Variants in GALK2 observed in about 807,000 individuals in gnomAD.
The protein encoded by GALK2 is N-acetylgalactosamine kinase.
Under a neutral mutation model 52.4 loss-of-function variants are expected in GALK2, and 36 were observed. That is an observed-to-expected ratio of 0.69 (90% confidence interval 0.53 to 0.91). GALK2 has a LOEUF of 0.91. Among genes scored for constraint, GALK2 ranks in the 40% least tolerant of loss-of-function variants. The pLI is 0.00. For synonymous variants in GALK2, 176 were observed against 199.1 expected, an observed-to-expected ratio of 0.88 and a Z score of 0.98; for missense variants, 579 against 559.1, an observed-to-expected ratio of 1.04 and a Z score of -0.36.
chr15:49,348,457 G>T (rs2041834400), intron 3 of GALK2, among the ~76,000 whole-genome samples: 1 of 152,058 alleles, frequency 6.6e-6, no homozygotes, highest in Non-Finnish European at 1.5e-5. Flanking sequence ...CACATGTGAG[G>T]CAACCACCAA....
downstream of GALK2, among the ~76,000 whole-genome samples, chr15:49,333,769 G>T (rs761104294): frequency 6.6e-6 from 1 of 152,140 alleles, no homozygotes; most frequent in Non-Finnish European, 1.5e-5. Context: ...ACGTGCTTAC[G>T]GGTGTGTTGG....
At chr15:49,168,447 G>C (rs114009348), upstream of GALK2, among the ~76,000 whole-genome samples, 9 of 151,988 alleles carry the variant, frequency 5.9e-5, no homozygotes, top group Non-Finnish European at 1.2e-4. Context: ...GGCTGGGCAC[G>C]GTGGCTCACA....
At chr15:49,191,881 T>C (rs1457702356) in intron 1 of GALK2, among the ~76,000 whole-genome samples, 3 of 152,186 alleles carry the variant, frequency 2.0e-5, no homozygotes, top group Admixed American at 6.5e-5. Flanking sequence ...TTCCATACTT[T>C]TAATTTATTA....
intron 9 of GALK2, among the ~76,000 whole-genome samples, chr15:49,325,711 A>T (rs1224894315): frequency 6.6e-6 from 1 of 152,192 alleles, no homozygotes; most frequent in Non-Finnish European, 1.5e-5. Flanking sequence ...AGCACTTATC[A>T]TTCTTTATTT....
chr15:49,347,507 A>G (rs1216783383), intron 3 of GALK2, among the ~76,000 whole-genome samples: 2 of 152,168 alleles, frequency 1.3e-5, no homozygotes, highest in African/African-American at 4.8e-5. Flanking sequence ...TCATACTAGT[A>G]TCAGTGCTGG....
upstream of GALK2, among the ~76,000 whole-genome samples, chr15:49,165,991 A>T (rs2084807822): frequency 6.6e-6 from 1 of 151,736 alleles, no homozygotes; most frequent in South Asian, 2.1e-4. Flanking sequence ...TTTAGTAGAG[A>T]TGGGGTTTCA....
chr15:49,186,993 A>G (rs574671931), intron 1 of GALK2, among the ~76,000 whole-genome samples: 1 of 152,202 alleles, frequency 6.6e-6, no homozygotes, highest in East Asian at 1.9e-4. Flanking sequence ...ATGCTTGTGG[A>G]TGTTCACTGA....
At chr15:49,363,578 G>A (rs549079397) in intron 3 of GALK2, among the ~76,000 whole-genome samples, 30 of 152,138 alleles carry the variant, frequency 2.0e-4, no homozygotes, top group Admixed American at 3.9e-4. Flanking sequence ...AACAAGGATA[G>A]TTTAACTTCC....
chr15:49,170,899 C>T (rs776154450), intron 1 of GALK2, among the ~76,000 whole-genome samples: 1 of 151,954 alleles, frequency 6.6e-6, no homozygotes, highest in East Asian at 1.9e-4. Context: ...AGTGATGTCT[C>T]GGGGAGGATC....
intron 3 of GALK2, among the ~76,000 whole-genome samples, chr15:49,351,983 C>G (rs1321681181): frequency 2.6e-5 from 4 of 152,190 alleles, no homozygotes; most frequent in Non-Finnish European, 4.4e-5. Flanking sequence ...TGACTGAGCT[C>G]AGCTAGGCTG....
intron 3 of GALK2, among the ~76,000 whole-genome samples, chr15:49,359,109 A>C (rs1206065403): frequency 6.6e-6 from 1 of 152,008 alleles, no homozygotes; most frequent in East Asian, 1.9e-4. Flanking sequence ...AAAGACTTAA[A>C]CGTTAGACCT....
chr15:49,243,711 G>C (rs1199675584), intron 5 of GALK2, among the ~76,000 whole-genome samples: 1 of 152,104 alleles, frequency 6.6e-6, no homozygotes, highest in African/African-American at 2.4e-5. Context: ...TGTCCTCAGA[G>C]AGATAAAAGA....
intron 5 of GALK2, among the ~76,000 whole-genome samples, chr15:49,268,302 G>C (rs1260816699): frequency 6.6e-6 from 1 of 152,158 alleles, no homozygotes; most frequent in Non-Finnish European, 1.5e-5. Context: ...AATTTAAATG[G>C]GGAAGAGTAG....
At chr15:49,367,599 T>C (rs1350378381) in exon 4 of GALK2, 1 of 1,570,074 alleles carries the variant, frequency 6.4e-7, no homozygotes, top group Non-Finnish European at 8.6e-7. Flanking sequence ...CCAGTACTAC[T>C]ATAGTGCGAC....
At chr15:49,280,654 A>G (rs1412621925) in intron 5 of GALK2, among the ~76,000 whole-genome samples, 2 of 152,200 alleles carry the variant, frequency 1.3e-5, no homozygotes, top group Non-Finnish European at 2.9e-5. Context: ...GAAACATCAT[A>G]TAGTAAAACA....
At chr15:49,180,950 G>T (rs866059634) in intron 1 of GALK2, among the ~76,000 whole-genome samples, 82 of 152,164 alleles carry the variant, frequency 5.4e-4, no homozygotes, top group African/African-American at 1.9e-3. Context: ...GTATTTGGCC[G>T]ACTTATCACT....
At chr15:49,243,124 A>G (rs145240823) in intron 5 of GALK2, among the ~76,000 whole-genome samples, 5 of 152,254 alleles carry the variant, frequency 3.3e-5, no homozygotes, top group African/African-American at 7.2e-5. Flanking sequence ...GCAGGGTAAT[A>G]TGGTGGGTGG....
In GALK2 at chr15:49,329,810, A is replaced by AG. The variant is rs2038271318; in HGVS notation, c.*1651_*1652insG. ...TTAAAGATACCTGGATCAGTGTAAA[A>AG]AAAAAAAAAAAAAGGCACCTGTCAT... On this transcript the variant is annotated 3_prime_UTR_variant, in exon 10 of 10. Transcript: ENST00000560031. 3.6e-5 allele frequency: 30 copies of AG among 843,978 alleles called. No individual in the cohort carries two copies. The highest frequency in any genetic ancestry group is 4.3e-5 in the Non-Finnish European group (30 of 701,214). 52.3% of individuals were successfully genotyped at this position (843,978 alleles called of 1,614,324 possible).
chr15:49,337,482 C>CATGTCTTCGTTCGAAA (rs71120678), intron 3 of GALK2, among the ~76,000 whole-genome samples: 2 of 141,480 alleles, frequency 1.4e-5, no homozygotes, highest in African/African-American at 5.4e-5. Context: ...TGGACACTTG[C>CATGTCTTCGTTCGAAA]AATGTCTGTT....
Sources: gnomAD v4.1 joint callset for allele counts (sites outside exome capture counted in the v4.1 genomes callset) on GRCh38, gnomAD v4.1.1 for gene constraint, MANE v1.5 for transcripts, NCBI Gene and HGNC (gene_info 2026-07-23, HGNC 2026-07-21) for gene names.